ARL5C: variants seen among roughly 807,000 people sequenced by gnomAD.
ARL5C encodes the protein ARF like GTPase 5C.
ARL5C carries 21 observed loss-of-function variants against 20.8 expected under a neutral mutation model. The observed-to-expected ratio is 1.01, with a 90% CI of 0.72 to 1.46. The LOEUF (loss-of-function observed/expected upper bound fraction) is 1.46. Ranked by LOEUF, ARL5C falls within the 40% of genes most tolerant of loss-of-function variation. The probability of loss-of-function intolerance (pLI) is 0.00; values close to 1 mark genes in which losing one functional copy is unlikely to be tolerated. For missense variants in ARL5C, 199 were observed against 225.1 expected (o/e 0.88, Z 0.74); for synonymous variants, 71 against 81.6 (o/e 0.87, Z 0.70).
At chr17:39,159,058 A>T (rs2144041722) in intron 5 of ARL5C, among the ~76,000 whole-genome samples, 1 of 75,026 alleles carries the variant, frequency 1.3e-5, no homozygotes, top group Non-Finnish European at 2.4e-5. Context: ...TTGAGACAGG[A>T]TCTTGCTATG....
intron 5 of ARL5C, among the ~76,000 whole-genome samples, chr17:39,159,323 C>T (rs1279838426): frequency 1.3e-4 from 18 of 133,438 alleles, no homozygotes; most frequent in African/African-American, 4.8e-4. Flanking sequence ...TGAGATGGTG[C>T]TTCGCTCTTG....
At chr17:39,164,653 C>T (rs1202544242) in intron 2 of ARL5C, among the ~76,000 whole-genome samples, 3 of 152,114 alleles carry the variant, frequency 2.0e-5, no homozygotes. Context: ...TTACTCAGCA[C>T]CACCCATATG....
intron 1 of ARL5C, 151 bp downstream of exon 1, chr17:39,165,564 C>T: frequency 6.6e-6 from 6 of 908,068 alleles, no homozygotes; most frequent in East Asian, 2.7e-5. Context: ...CAGGCAGGGA[C>T]GGGGGCAGGG....
At chr17:39,165,215 C>G (rs1396583524) in intron 1 of ARL5C, 76 bp from the exon 2 acceptor site, 2 of 1,447,564 alleles carry the variant, frequency 1.4e-6, no homozygotes, top group Admixed American at 4.0e-5. Context: ...ACCAGACCTC[C>G]CAGGAAGGAG....
intron 5 of ARL5C, among the ~76,000 whole-genome samples, chr17:39,158,900 A>G (rs1326094842): frequency 1.3e-5 from 2 of 151,130 alleles, no homozygotes; most frequent in Non-Finnish European, 2.9e-5. Flanking sequence ...CTGGACTCCA[A>G]CTCCTGGCCC....
At chr17:39,160,804 C>G in intron 4 of ARL5C, 62 bp from the exon 5 acceptor site, 1 of 1,525,594 alleles carries the variant, frequency 6.6e-7, no homozygotes, top group Admixed American at 2.0e-5. Context: ...TTCCTACTGC[C>G]TCACAGGCGC....
At chr17:39,157,475 G>A (rs2045410976) in intron 5 of ARL5C, among the ~76,000 whole-genome samples, 1 of 152,194 alleles carries the variant, frequency 6.6e-6, no homozygotes, top group South Asian at 2.1e-4. Flanking sequence ...CACCGCACAG[G>A]GAACATGGGG....
intron 3 of ARL5C, 33 bp from the exon 4 acceptor site, chr17:39,161,384 C>T: frequency 6.5e-7 from 1 of 1,542,410 alleles, no homozygotes. Flanking sequence ...GAGAGACAGG[C>T]TTTCTCTTTG....
chr17:39,164,618 T>C (rs761286455), intron 2 of ARL5C, among the ~76,000 whole-genome samples: 1 of 152,144 alleles, frequency 6.6e-6, no homozygotes, highest in Non-Finnish European at 1.5e-5. Context: ...AGAGAGCGAA[T>C]ATCGGGGAAA....
intron 2 of ARL5C, among the ~76,000 whole-genome samples, chr17:39,163,345 C>CCTTTCTTTCTTTCTTTCTTTCTCTCTTT (rs2045444138): frequency 1.5e-5 from 2 of 136,740 alleles, no homozygotes; most frequent in Non-Finnish European, 3.2e-5. Flanking sequence ...CAGGCTTTTG[C>CCTTTCTTTCTTTCTTTCTTTCTCTCTTT]CTTTCTTTCT....
At chr17:39,160,806 C>T (rs746934519) in intron 4 of ARL5C, 64 bp from the exon 5 acceptor site, 62 of 1,525,250 alleles carry the variant, frequency 4.1e-5, no homozygotes, top group Non-Finnish European at 5.5e-5. Context: ...CCTACTGCCT[C>T]ACAGGCGCTC....
chr17:39,162,990 C>G (rs1441696917), intron 2 of ARL5C, 132 bp from the exon 3 acceptor site: 1 of 1,073,824 alleles, frequency 9.3e-7, no homozygotes, highest in Admixed American at 2.4e-5. Context: ...AACACCTGCT[C>G]GGAGCCAGGC....
At chr17:39,161,394 G>T (rs1219314105) in intron 3 of ARL5C, 43 bp from the exon 4 acceptor site, 1 of 1,524,510 alleles carries the variant, frequency 6.6e-7, no homozygotes, top group Non-Finnish European at 8.9e-7. Context: ...CTTTCTCTTT[G>T]GTAAATGTGT....
At position 39,160,691 on chromosome 17, in the gene ARL5C, C is replaced by T. The variant is rs1205540346; in HGVS notation, c.391G>A (p.Asp131Asn). Residue 131 changes from aspartate (D) to asparagine (N), a missense_variant, in exon 5 of 6, where the codon GAC (aspartate) becomes AAC (asparagine). Transcript: ENST00000269586. ...LIFANKQDVK[D>N]SMRMVEISHF... ...GAGATCTCCACCATCCTCATGGAGT[C>T]CTTCACGTCCTGCTTATTGGCAAAT... is the stretch of plus-strand genomic sequence containing the variant. 2.6e-6 allele frequency: 4 copies of T among 1,551,744 alleles called. No homozygotes were observed. Among genetic ancestry groups the T allele is most frequent in the Non-Finnish European group, 3.5e-6 (4 of 1,147,020 alleles).
intron 5 of ARL5C, among the ~76,000 whole-genome samples, chr17:39,158,055 G>A (rs903403545): frequency 3.4e-5 from 5 of 149,034 alleles, no homozygotes; most frequent in Admixed American, 6.7e-5. Context: ...CCGAGATCGC[G>A]CCACTGCGCT....
intron 5 of ARL5C, 83 bp downstream of exon 5, chr17:39,160,506 GGA>G (rs1567780507): frequency 6.7e-7 from 1 of 1,483,234 alleles, no homozygotes. Context: ...GATTCTCACA[GGA>G]GAGAGGCAGG....
Position 39,165,875 on chromosome 17 carries a change from G to T in ARL5C, c.-115C>A, listed in dbSNP as rs2045461217. On this transcript the variant is annotated 5_prime_UTR_variant, in exon 1 of 6. Transcript: ENST00000269586. ...GGGTCTGGCAGATTTTGCCTACGAA[G>T]TTAGGGAAGCCCCACACGTCACCAA... The T allele has an allele frequency of 7.7e-7, 1 of 1,295,174 alleles. No individual in the cohort carries two copies. Among genetic ancestry groups the T allele is most frequent in the African/African-American group, 1.5e-5 (1 of 67,950 alleles). The allele number at this position is 1,295,174 out of a possible 1,614,324, so 80.2% of individuals were successfully genotyped here. A position where few individuals can be genotyped will look rare whatever the true frequency, so the allele number is the denominator to read the frequency against.
chr17:39,163,672 A>C (rs978946187), intron 2 of ARL5C, among the ~76,000 whole-genome samples: 1 of 145,660 alleles, frequency 6.9e-6, no homozygotes, highest in Non-Finnish European at 1.5e-5. Flanking sequence ...GATTACAGGC[A>C]TGAGCCACCG....
At chr17:39,163,062 C>G (rs1228475698) in intron 2 of ARL5C, among the ~76,000 whole-genome samples, 1 of 152,186 alleles carries the variant, frequency 6.6e-6, no homozygotes, top group African/African-American at 2.4e-5. Flanking sequence ...TGGCTTGGAC[C>G]CCAGAGAAGG....
Sources: gnomAD v4.1 joint callset for allele counts (sites outside exome capture counted in the v4.1 genomes callset) on GRCh38, gnomAD v4.1.1 for gene constraint, MANE v1.5 for transcripts, NCBI Gene and HGNC (gene_info 2026-07-23, HGNC 2026-07-21) for gene names.